The following RNLS variants were observed in gnomAD, a reference collection of about 807,000 sequenced individuals.
RNLS encodes renalase.
In RNLS, 39 loss-of-function variants were observed where a neutral mutation model predicts 39.8. That is an observed-to-expected ratio of 0.98 (90% CI 0.76 to 1.28). RNLS has a LOEUF of 1.28. Ranked by LOEUF, RNLS falls within the 50% of genes most tolerant of loss-of-function variation. RNLS has a pLI of 0.00. For synonymous variants in RNLS, 147 were observed against 150.7 expected, an observed-to-expected ratio of 0.98 and a Z score of 0.18; for missense variants, 410 against 413.3, an observed-to-expected ratio of 0.99 and a Z score of 0.07.
At chr10:88,433,709 G>A (rs1460585394) in intron 4 of RNLS, among the ~76,000 whole-genome samples, 1 of 152,056 alleles carries the variant, frequency 6.6e-6, no homozygotes, top group Non-Finnish European at 1.5e-5. Context: ...GAGTAAGTGA[G>A]TACTTAGATC....
chr10:88,337,553 G>GCT (rs773850233), intron 5 of RNLS, among the ~76,000 whole-genome samples: 8 of 152,258 alleles, frequency 5.3e-5, no homozygotes, highest in African/African-American at 1.4e-4. Context: ...AAATGGTCTT[G>GCT]CTCTCTCTCT....
At chr10:88,515,064 T>C (rs1194773772) in intron 4 of RNLS, among the ~76,000 whole-genome samples, 1 of 151,980 alleles carries the variant, frequency 6.6e-6, no homozygotes, top group Non-Finnish European at 1.5e-5. Flanking sequence ...TGGCTACATT[T>C]TTTTTCTTTC....
At chr10:88,319,248 C>T (rs1172566470) in intron 5 of RNLS, among the ~76,000 whole-genome samples, 2 of 151,854 alleles carry the variant, frequency 1.3e-5, no homozygotes, top group Non-Finnish European at 2.9e-5. Flanking sequence ...AACATACCCT[C>T]AAGATAAAAA....
intron 5 of RNLS, among the ~76,000 whole-genome samples, chr10:88,338,631 C>T (rs968437679): frequency 2.6e-5 from 4 of 152,190 alleles, no homozygotes; most frequent in South Asian, 2.1e-4. Flanking sequence ...GTTTGATATA[C>T]GTGCTCTTGA....
chr10:88,564,600 A>C (rs909877272), intron 4 of RNLS, among the ~76,000 whole-genome samples: 9 of 152,202 alleles, frequency 5.9e-5, no homozygotes, highest in African/African-American at 2.2e-4. Flanking sequence ...GGTTAAGAGT[A>C]CAAGCTCTGG....
intron 5 of RNLS, among the ~76,000 whole-genome samples, chr10:88,359,857 C>T (rs989903395): frequency 2.6e-5 from 4 of 152,108 alleles, no homozygotes; most frequent in Non-Finnish European, 4.4e-5. Context: ...ATGTATAGTC[C>T]GTTAGGAGAT....
chr10:88,583,037 C>T, intron 1 of RNLS, 36 bp downstream of exon 1: 1 of 1,600,820 alleles, frequency 6.2e-7, no homozygotes, highest in South Asian at 1.1e-5. Flanking sequence ...GCCCGGCAGT[C>T]CTCTTTTCCC....
the RNLS span, among the ~76,000 whole-genome samples, chr10:88,239,113 T>C: frequency 6.6e-6 from 1 of 152,140 alleles, no homozygotes; most frequent in African/African-American, 2.4e-5. Flanking sequence ...ATGATTTTCA[T>C]AAGGCTCCAT....
chr10:88,444,741 T>G (rs2133865891), intron 4 of RNLS, among the ~76,000 whole-genome samples: 1 of 152,162 alleles, frequency 6.6e-6, no homozygotes, highest in South Asian at 2.1e-4. Context: ...ATCAAATGAA[T>G]GAAATGAAGC....
At chr10:88,196,145 C>A in the RNLS span, among the ~76,000 whole-genome samples, 2 of 147,244 alleles carry the variant, frequency 1.4e-5, no homozygotes, top group Non-Finnish European at 3.0e-5. Flanking sequence ...CTTGAGGGAT[C>A]TCTCTTTTTA....
chr10:88,429,282 C>T (rs1350559996), intron 4 of RNLS, among the ~76,000 whole-genome samples: 2 of 151,934 alleles, frequency 1.3e-5, no homozygotes, highest in African/African-American at 2.4e-5. Context: ...CTTTACAAAG[C>T]TGCTGTGTAA....
Position 88,577,272 on chromosome 10 carries a change from T to G in RNLS, c.368-4211A>C, listed in dbSNP as rs1412969709. On this transcript the variant is annotated intron_variant, in intron 3 of 6. Transcript: ENST00000331772. The stretch of plus-strand genomic sequence containing the variant: ...GCACCAGGTGGGATGGGTACAATCT[T>G]CATACTATAGGAAAATAATCAATAA... Among the ~76,000 whole-genome samples, 3 of 152,170 alleles carry G rather than the reference T, an allele frequency of 2.0e-5. No individual in the cohort carries two copies. The East Asian group carries it at 5.8e-4, about 29-fold the overall frequency.
the RNLS span, among the ~76,000 whole-genome samples, chr10:88,261,529 G>T: frequency 2.6e-5 from 4 of 152,052 alleles, no homozygotes; most frequent in Non-Finnish European, 5.9e-5. Flanking sequence ...CCTCTTATTA[G>T]ATGATTATAC....
the RNLS span, among the ~76,000 whole-genome samples, chr10:88,261,716 ATTTAC>A: frequency 1.3e-5 from 2 of 152,192 alleles, no homozygotes; most frequent in South Asian, 4.1e-4. Flanking sequence ...TATTGTTATG[ATTTAC>A]TTCAATACCC....
intron 4 of RNLS, among the ~76,000 whole-genome samples, chr10:88,381,770 C>T (rs906292726): frequency 6.6e-6 from 1 of 151,534 alleles, no homozygotes; most frequent in African/African-American, 2.4e-5. Context: ...CTACTTTATA[C>T]TTAGTTACCT....
chr10:88,397,667 A>T (rs1190385146), intron 4 of RNLS, among the ~76,000 whole-genome samples: 1 of 152,052 alleles, frequency 6.6e-6, no homozygotes, highest in African/African-American at 2.4e-5. Context: ...GAGATCAATG[A>T]TTCATAGATC....
chr10:88,282,521 ACACACG>A (rs1047527163), downstream of RNLS, among the ~76,000 whole-genome samples: 6 of 138,614 alleles, frequency 4.3e-5, no homozygotes, highest in Admixed American at 1.4e-4. Context: ...ACACACACAC[ACACACG>A]CTTGGATGAG....
intron 6 of RNLS, among the ~76,000 whole-genome samples, chr10:88,312,327 G>C (rs1377831141): frequency 6.6e-6 from 1 of 152,158 alleles, no homozygotes; most frequent in Non-Finnish European, 1.5e-5. Context: ...AATGTGGGCA[G>C]CTTCTAGAAG....
chr10:88,463,294 G>A (rs1023571465), intron 4 of RNLS, among the ~76,000 whole-genome samples: 1 of 152,022 alleles, frequency 6.6e-6, no homozygotes, highest in African/African-American at 2.4e-5. Context: ...AGAATGCTAT[G>A]TGAAGATAAA....
Sources: gnomAD v4.1 joint callset for allele counts (sites outside exome capture counted in the v4.1 genomes callset) on GRCh38, gnomAD v4.1.1 for gene constraint, MANE v1.5 for transcripts, NCBI Gene and HGNC (gene_info 2026-07-23, HGNC 2026-07-21) for gene names.